Variants in GSE1 observed in about 807,000 individuals in gnomAD.
GSE1 encodes the protein genetic suppressor element 1.
A neutral mutation model predicts 112.6 loss-of-function variants in GSE1; 32 were observed. The ratio of observed to expected loss-of-function variants is 0.28; its 90% CI spans 0.21 to 0.38. The LOEUF is 0.38. Among genes scored for constraint, GSE1 ranks in the 10% least tolerant of loss-of-function variants. GSE1 has a pLI of 1.00. For synonymous variants in GSE1, 1,115 were observed against 735.6 expected, an observed-to-expected ratio of 1.52 and a Z score of -8.35; for missense variants, 2,348 against 1,699.2, an observed-to-expected ratio of 1.38 and a Z score of -6.71.
At chr16:85,501,618 C>T (rs1316808126) in intron 2 of GSE1, among the ~76,000 whole-genome samples, 3 of 151,848 alleles carry the variant, frequency 2.0e-5, no homozygotes, top group Non-Finnish European at 4.4e-5. Flanking sequence ...TGGTCTCGAA[C>T]CCCTGGCCTC....
chr16:85,617,827 C>T (rs767584492), intron 1 of GSE1, among the ~76,000 whole-genome samples: 28 of 152,088 alleles, frequency 1.8e-4, no homozygotes, highest in South Asian at 4.1e-4. Flanking sequence ...CTCTTCCCAC[C>T]TGGGAAGCCA....
chr16:85,370,399 A>G (rs953182511), intron 2 of GSE1, among the ~76,000 whole-genome samples: 1 of 152,116 alleles, frequency 6.6e-6, no homozygotes, highest in African/African-American at 2.4e-5. Context: ...CAACCCGTCT[A>G]TCCCCAAATA....
chr16:85,367,387 T>C (rs1478212861), intron 2 of GSE1, among the ~76,000 whole-genome samples: 1 of 152,180 alleles, frequency 6.6e-6, no homozygotes, highest in Non-Finnish European at 1.5e-5. Flanking sequence ...CTAAAGACCA[T>C]GCTGGGCATG....
At chr16:85,493,945 T>C (rs1025959394) in intron 2 of GSE1, among the ~76,000 whole-genome samples, 1 of 151,812 alleles carries the variant, frequency 6.6e-6, no homozygotes, top group Non-Finnish European at 1.5e-5. Flanking sequence ...TAGCTTGACA[T>C]GGTAGTGGTT....
chr16:85,343,359 A>G (rs1220033417), intron 1 of GSE1, among the ~76,000 whole-genome samples: 1 of 152,070 alleles, frequency 6.6e-6, no homozygotes, highest in Non-Finnish European at 1.5e-5. Context: ...GGCGGGTACT[A>G]CAGTGAGCAA....
rs865981619 is a variant in GSE1 at position 85,648,670 on chromosome 16, C to T, written c.345C>T (p.His115=). 1 of 1,602,912 alleles carries T rather than the reference C, an allele frequency of 6.2e-7. No individual in the cohort carries two copies. The highest frequency in any genetic ancestry group is 1.1e-5 in the South Asian group (1 of 90,602). The change falls in exon 3 of 16, where the codon CAC becomes CAT. Residue 115 remains histidine, a synonymous_variant. Coordinates refer to ENST00000253458, the MANE Select transcript of GSE1 (RefSeq NM_014615.5). ...CTATCATCGTCCCCCCTGGGGGCCA[C>T]AGCGTGCCCAGCACCCCCCCCGTGG... ...MGPIIVPPGG[H]SVPSTPPVVT...
At position 85,347,528 on chromosome 16, in the gene GSE1, C is replaced by T. The variant is rs528137287; in HGVS notation, c.2284-9935C>T. Among the ~76,000 whole-genome samples the T allele has an allele frequency of 1.8e-3, 281 of 152,276 alleles. 1 individual carries two copies. Among genetic ancestry groups the T allele is most frequent in the Non-Finnish European group, 3.1e-3 (213 of 68,004 alleles). On this transcript the variant is annotated intron_variant, in intron 1 of 2. Coordinates refer to the GSE1 transcript ENST00000637419. ...GAGTGTGTCCTGAGGCTGTCAGTTT[C>T]GTCAACATGGATGGATCCCCGCTTT... is the stretch of plus-strand genomic sequence containing the variant.
In GSE1 at chr16:85,661,136, C is replaced by T. The variant is rs777632137; in HGVS notation, c.1641-10C>T. 3.2e-6 allele frequency: 5 copies of T among 1,555,830 alleles called. No homozygotes were observed. The East Asian group carries it at 9.1e-5, about 28-fold the overall frequency. On this transcript the variant is annotated splice_polypyrimidine_tract_variant and intron_variant, in intron 8 of 15. Transcript: ENST00000253458. ...TTCTCCCTGACTGAAGGGTTGGTTT[C>T]ACTCCCTAGGCCAGGACCAAACCGT...
chr16:85,634,529 A>T (rs1191889290), intron 2 of GSE1, among the ~76,000 whole-genome samples: 1 of 152,096 alleles, frequency 6.6e-6, no homozygotes. Context: ...CCAGGTTTTG[A>T]CACTCCCTCC....
At chr16:85,360,466 A>G (rs1380975185) in intron 2 of GSE1, among the ~76,000 whole-genome samples, 3 of 152,082 alleles carry the variant, frequency 2.0e-5, no homozygotes, top group Non-Finnish European at 4.4e-5. Context: ...TCAGCCAGAG[A>G]CCCACCAGGA....
At chr16:85,568,853 C>G (rs985462897) in intron 1 of GSE1, among the ~76,000 whole-genome samples, 14 of 152,322 alleles carry the variant, frequency 9.2e-5, no homozygotes, top group South Asian at 2.1e-4. Flanking sequence ...TCTGTTCTCA[C>G]TTTGGAGCTG....
chr16:85,211,779 C>T (rs930748601), intron 1 of GSE1, among the ~76,000 whole-genome samples: 8 of 152,238 alleles, frequency 5.3e-5, no homozygotes, highest in African/African-American at 1.4e-4. Flanking sequence ...AGTGCCACTC[C>T]GCTGCTGCCT....
chr16:85,435,579 T>C (rs1237130552), intron 2 of GSE1, among the ~76,000 whole-genome samples: 1 of 152,118 alleles, frequency 6.6e-6, no homozygotes, highest in Non-Finnish European at 1.5e-5. Context: ...GGTCTGTTGC[T>C]TTCCTGCTGC....
At chr16:85,509,188 C>A (rs924105172) in intron 2 of GSE1, among the ~76,000 whole-genome samples, 4 of 152,136 alleles carry the variant, frequency 2.6e-5, no homozygotes, top group African/African-American at 9.7e-5. Flanking sequence ...ACCTGATGGG[C>A]GTGTGGGTAT....
At chr16:85,296,171 G>C (rs2045360752) in intron 1 of GSE1, among the ~76,000 whole-genome samples, 1 of 152,178 alleles carries the variant, frequency 6.6e-6, no homozygotes, top group Admixed American at 6.5e-5. Flanking sequence ...AGGTACGAAA[G>C]GCACGCTAGG....
intron 12 of GSE1, 38 bp from the exon 13 acceptor site, chr16:85,665,938 G>T (rs762412702): frequency 6.2e-7 from 1 of 1,605,516 alleles, no homozygotes. Context: ...CTGTTAACTT[G>T]CATTTCTTAA....
intron 1 of GSE1, among the ~76,000 whole-genome samples, chr16:85,601,082 C>T (rs1410476481): frequency 6.6e-6 from 1 of 151,984 alleles, no homozygotes; most frequent in Non-Finnish European, 1.5e-5. Context: ...AGGAAGAGGT[C>T]AGGGTTTGAA....
chr16:85,234,815 G>A (rs1241956084), intron 1 of GSE1, among the ~76,000 whole-genome samples: 1 of 152,120 alleles, frequency 6.6e-6, no homozygotes, highest in Non-Finnish European at 1.5e-5. Flanking sequence ...GGTGGAGGCG[G>A]TGGGAGCCGC....
intron 2 of GSE1, among the ~76,000 whole-genome samples, chr16:85,394,081 G>C (rs1284442275): frequency 6.6e-6 from 1 of 152,170 alleles, no homozygotes; most frequent in Non-Finnish European, 1.5e-5. Flanking sequence ...CTCACTGCTG[G>C]CTCCGGGTTG....
Sources: gnomAD v4.1 joint callset for allele counts (sites outside exome capture counted in the v4.1 genomes callset) on GRCh38, gnomAD v4.1.1 for gene constraint, MANE v1.5 for transcripts, NCBI Gene and HGNC (gene_info 2026-07-23, HGNC 2026-07-21) for gene names.